The following B3GLCT variants were observed in gnomAD, a reference collection of about 807,000 sequenced individuals.
B3GLCT encodes beta 3-glucosyltransferase, also known as beta-1,3-glucosyltransferase.
In B3GLCT, 65 loss-of-function variants were observed where a neutral mutation model predicts 63.4. The observed-to-expected ratio is 1.03, with a 90% confidence interval of 0.84 to 1.26. B3GLCT has a LOEUF of 1.26. B3GLCT is among the 50% of genes most tolerant of loss of function. B3GLCT has a pLI of 0.00. For missense variants in B3GLCT, 577 were observed against 604.8 expected, an observed-to-expected ratio of 0.95 and a Z score of 0.48; for synonymous variants, 233 against 219.2, an observed-to-expected ratio of 1.06 and a Z score of -0.55.
At chr13:31,290,870 T>A (rs1873619794) in intron 12 of B3GLCT, among the ~76,000 whole-genome samples, 1 of 152,234 alleles carries the variant, frequency 6.6e-6, no homozygotes, top group African/African-American at 2.4e-5. Context: ...TTTAATTGGA[T>A]CCTGTTTGTC....
intron 4 of B3GLCT, among the ~76,000 whole-genome samples, chr13:31,239,459 T>G (rs1003128982): frequency 6.6e-6 from 1 of 152,204 alleles, no homozygotes; most frequent in African/African-American, 2.4e-5. Context: ...TGTTTGAGTT[T>G]ATTTTGTTCA....
intron 1 of B3GLCT, among the ~76,000 whole-genome samples, chr13:31,208,862 G>A (rs1220987808): frequency 6.6e-6 from 1 of 151,852 alleles, no homozygotes; most frequent in Non-Finnish European, 1.5e-5. Flanking sequence ...CCCATGATAT[G>A]GCCCCTGGTA....
Position 31,309,127 on chromosome 13 carries a change from C to T in B3GLCT, c.1065-8439C>T, listed in dbSNP as rs956895942. The stretch of plus-strand genomic sequence containing the variant: ...CATATCACAGGTGATTGTTTGGCCA[C>T]CCAGGAATCAAGGGTTTCTCATCCC... On this transcript the variant is annotated intron_variant, in intron 12 of 14. Transcript: ENST00000343307. 2.0e-5 allele frequency among the ~76,000 whole-genome samples: 3 copies of T among 152,174 alleles called. No homozygotes were observed. The East Asian group carries it at 5.8e-4, about 29-fold the overall frequency.
At chr13:31,321,949 G>A (rs1477115142) in intron 13 of B3GLCT, among the ~76,000 whole-genome samples, 1 of 152,148 alleles carries the variant, frequency 6.6e-6, no homozygotes, top group African/African-American at 2.4e-5. Context: ...CACCCAAGTA[G>A]TGTACGCTGT....
intron 4 of B3GLCT, among the ~76,000 whole-genome samples, chr13:31,230,077 T>A (rs1440018423): frequency 6.6e-6 from 1 of 152,200 alleles, no homozygotes. Flanking sequence ...TCTACTTTTT[T>A]AATTGGATGT....
intron 4 of B3GLCT, among the ~76,000 whole-genome samples, chr13:31,232,041 G>A (rs1211857387): frequency 6.6e-6 from 1 of 152,212 alleles, no homozygotes; most frequent in African/African-American, 2.4e-5. Context: ...CTGAGCAGGT[G>A]TGGATTCAAC....
intron 12 of B3GLCT, among the ~76,000 whole-genome samples, chr13:31,301,821 G>A (rs972652280): frequency 6.6e-6 from 1 of 152,188 alleles, no homozygotes; most frequent in South Asian, 2.1e-4. Context: ...AGATCAGCCA[G>A]GGGTCCCTTT....
intron 12 of B3GLCT, among the ~76,000 whole-genome samples, chr13:31,314,953 C>T (rs1365079382): frequency 6.6e-6 from 1 of 152,168 alleles, no homozygotes; most frequent in African/African-American, 2.4e-5. Context: ...ATGGGTTTAT[C>T]AGGGGTTTCC....
intron 3 of B3GLCT, among the ~76,000 whole-genome samples, chr13:31,225,589 C>T (rs1488589371): frequency 6.6e-6 from 1 of 152,218 alleles, no homozygotes; most frequent in African/African-American, 2.4e-5. Context: ...TTCCGGCATT[C>T]ATTATGATCA....
intron 14 of B3GLCT, among the ~76,000 whole-genome samples, chr13:31,324,445 C>A (rs1875504261): frequency 6.6e-6 from 1 of 152,160 alleles, no homozygotes. Context: ...TTATGTTTAC[C>A]AGGGACGGGT....
intron 1 of B3GLCT, among the ~76,000 whole-genome samples, chr13:31,208,561 G>A (rs11147457): frequency 0.11 from 15,753 of 139,340 alleles, 1,116 homozygotes; most frequent in East Asian, 0.22. Context: ...CTCCCTTCCC[G>A]TCTCACCCCC....
intron 10 of B3GLCT, among the ~76,000 whole-genome samples, chr13:31,282,110 A>G (rs1048055845): frequency 6.6e-6 from 1 of 152,206 alleles, no homozygotes; most frequent in African/African-American, 2.4e-5. Flanking sequence ...AAAGGAGATA[A>G]TGTATCAGGT....
intron 6 of B3GLCT, among the ~76,000 whole-genome samples, chr13:31,256,488 C>G (rs946912798): frequency 6.6e-6 from 1 of 152,180 alleles, no homozygotes; most frequent in Non-Finnish European, 1.5e-5. Flanking sequence ...TTTATTGTGG[C>G]ACTGTTCACA....
intron 12 of B3GLCT, among the ~76,000 whole-genome samples, chr13:31,290,803 T>C (rs1337018178): frequency 6.6e-6 from 1 of 152,222 alleles, no homozygotes; most frequent in Non-Finnish European, 1.5e-5. Flanking sequence ...TCTCCCATTC[T>C]GTAGGTTGCC....
chr13:31,208,631 C>CCG (rs1555243808), intron 1 of B3GLCT, among the ~76,000 whole-genome samples: 1 of 133,378 alleles, frequency 7.5e-6, no homozygotes, highest in Non-Finnish European at 1.6e-5. Flanking sequence ...CCCCCCCCCC[C>CCG]GCTCACTGCC....
chr13:31,208,631 C>A (rs74242042), intron 1 of B3GLCT, among the ~76,000 whole-genome samples: 1 of 133,378 alleles, frequency 7.5e-6, no homozygotes, highest in African/African-American at 2.8e-5. Flanking sequence ...CCCCCCCCCC[C>A]GCTCACTGCC....
intron 12 of B3GLCT, among the ~76,000 whole-genome samples, chr13:31,294,892 GT>G (rs113365232): frequency 7.5e-5 from 11 of 147,092 alleles, no homozygotes; most frequent in Non-Finnish European, 1.1e-4. Flanking sequence ...AGGCATTCTG[GT>G]TTTTTTTTTG....
At chr13:31,213,162 C>T (rs1055971101) in intron 1 of B3GLCT, among the ~76,000 whole-genome samples, 3 of 152,224 alleles carry the variant, frequency 2.0e-5, no homozygotes, top group Non-Finnish European at 4.4e-5. Flanking sequence ...GTATAGAGAG[C>T]AGGTGGTCCT....
At chr13:31,229,147 A>G (rs1870243752) in intron 3 of B3GLCT, 38 bp from the exon 4 acceptor site, 2 of 1,328,054 alleles carry the variant, frequency 1.5e-6, no homozygotes, top group Non-Finnish European at 2.1e-6. Context: ...ATAATTTTGT[A>G]AAAAGAAATA....
Sources: gnomAD v4.1 joint callset for allele counts (sites outside exome capture counted in the v4.1 genomes callset) on GRCh38, gnomAD v4.1.1 for gene constraint, MANE v1.5 for transcripts, NCBI Gene and HGNC (gene_info 2026-07-23, HGNC 2026-07-21) for gene names.